RBFOX1: variants seen among roughly 807,000 people sequenced by gnomAD.
The protein encoded by RBFOX1 is RNA binding fox-1 homolog 1.
A neutral mutation model predicts 57.7 loss-of-function variants in RBFOX1; 8 were observed. The ratio of observed to expected loss-of-function variants is 0.14; its 90% CI spans 0.08 to 0.25. The LOEUF is 0.25. Among genes scored for constraint, RBFOX1 ranks in the 10% least tolerant of loss-of-function variants. The probability of loss-of-function intolerance (pLI) is 1.00; values close to 1 mark genes in which losing one functional copy is unlikely to be tolerated. For missense variants in RBFOX1, 611 were observed against 548.5 expected (o/e 1.11, Z -1.14); for synonymous variants, 326 against 222.4 (o/e 1.47, Z -4.15).
At chr16:6,749,295 C>T (rs2074429277) in intron 3 of RBFOX1, among the ~76,000 whole-genome samples, 1 of 152,110 alleles carries the variant, frequency 6.6e-6, no homozygotes, top group African/African-American at 2.4e-5. Context: ...GACATCAACC[C>T]AATTAAATGA....
At chr16:7,232,788 C>G (rs2093574932) in intron 4 of RBFOX1, among the ~76,000 whole-genome samples, 2 of 148,514 alleles carry the variant, frequency 1.3e-5, no homozygotes, top group Non-Finnish European at 1.5e-5. Flanking sequence ...TTGCCGTGAG[C>G]TGAGATCACG....
intron 4 of RBFOX1, among the ~76,000 whole-genome samples, chr16:7,330,530 A>T (rs1195429328): frequency 8.8e-5 from 13 of 147,670 alleles, no homozygotes; most frequent in African/African-American, 3.2e-4. Context: ...GTGTGTAGAG[A>T]GAGAGAGAGA....
At chr16:5,418,301 A>C (rs553221422) in intron 1 of RBFOX1, among the ~76,000 whole-genome samples, 1 of 151,512 alleles carries the variant, frequency 6.6e-6, no homozygotes, top group African/African-American at 2.4e-5. Flanking sequence ...TAGAGTAGGC[A>C]GCCTGAGCCC....
At chr16:6,752,713 C>T (rs534868053) in intron 3 of RBFOX1, among the ~76,000 whole-genome samples, 3 of 152,268 alleles carry the variant, frequency 2.0e-5, no homozygotes, top group Admixed American at 1.3e-4. Context: ...AACAGGTGCA[C>T]CTATCTTGAT....
intron 4 of RBFOX1, among the ~76,000 whole-genome samples, chr16:7,358,138 C>T (rs928643122): frequency 6.6e-6 from 1 of 152,122 alleles, no homozygotes; most frequent in Non-Finnish European, 1.5e-5. Flanking sequence ...ATAACTCACT[C>T]CAGAAAATAA....
At chr16:7,487,289 T>C (rs891241430) in intron 4 of RBFOX1, among the ~76,000 whole-genome samples, 5 of 152,174 alleles carry the variant, frequency 3.3e-5, no homozygotes, top group African/African-American at 9.7e-5. Context: ...TCAACTACTT[T>C]ATCTCAAATA....
intron 5 of RBFOX1, among the ~76,000 whole-genome samples, chr16:7,560,502 G>C (rs141402613): frequency 6.8e-6 from 1 of 146,886 alleles, no homozygotes; most frequent in African/African-American, 2.5e-5. Context: ...CCTGCGGTGG[G>C]AACATATCTT....
At chr16:6,216,425 A>G (rs1270855966) in intron 1 of RBFOX1, among the ~76,000 whole-genome samples, 1 of 152,144 alleles carries the variant, frequency 6.6e-6, no homozygotes, top group South Asian at 2.1e-4. Context: ...TCTAGTTAAT[A>G]GTTTTGCCTT....
chr16:6,269,014 T>G (rs1347997593), intron 1 of RBFOX1, among the ~76,000 whole-genome samples: 1 of 152,196 alleles, frequency 6.6e-6, no homozygotes, highest in Non-Finnish European at 1.5e-5. Flanking sequence ...CTTCAAGCAT[T>G]TATCATTTTA....
chr16:5,610,570 T>C (rs1471323815), intron 3 of RBFOX1: 1 of 152,224 alleles, frequency 6.6e-6, no homozygotes, highest in Non-Finnish European at 1.5e-5. Flanking sequence ...CTTATGCTGT[T>C]AATCCCAGTG....
intron 3 of RBFOX1, chr16:5,616,045 C>T (rs868821312): frequency 6.6e-6 from 1 of 152,600 alleles, no homozygotes; most frequent in Non-Finnish European, 1.5e-5. Context: ...GAGCTCTTCT[C>T]CACTCCCCTC....
intron 3 of RBFOX1, among the ~76,000 whole-genome samples, chr16:6,796,278 C>T (rs1454939968): frequency 1.3e-5 from 2 of 152,132 alleles, no homozygotes; most frequent in Non-Finnish European, 1.5e-5. Flanking sequence ...AGTCAACTCT[C>T]ACTGGGTTCC....
Position 7,010,051 on chromosome 16 carries a change from A to G in RBFOX1, c.-15-42006A>G, listed in dbSNP as rs145268020. ...TCTTAAGAAAAAAAAAATGCACTCA[A>G]GAGGCCCTGGGAGAATTCAAATTTA... On this transcript the variant is annotated intron_variant, in intron 3 of 15. Transcript: ENST00000550418. Among the ~76,000 whole-genome samples the G allele has an allele frequency of 5.0e-3, 763 of 152,328 alleles. 8 individuals carry two copies. Among genetic ancestry groups the G allele is most frequent in the African/African-American group, 0.017 (722 of 41,574 alleles).
Position 5,836,102 on chromosome 16 carries a change from C to T in RBFOX1, c.319-31201C>T, listed in dbSNP as rs557176812. 7.6e-4 allele frequency among the ~76,000 whole-genome samples: 115 copies of T among 152,304 alleles called. 1 individual carries two copies. Among genetic ancestry groups the T allele is most frequent in the African/African-American group, 2.6e-3 (107 of 41,570 alleles). ...AGCTTGCAGCAGATGTTTAATTAGT[C>T]GTGAGGCTGTGCAGTGACTGGAGGC... On this transcript the variant is annotated intron_variant, in intron 3 of 19. Transcript: ENST00000641259.
chr16:6,884,966 C>G (rs745343447), intron 3 of RBFOX1, among the ~76,000 whole-genome samples: 2 of 152,122 alleles, frequency 1.3e-5, no homozygotes, highest in South Asian at 2.1e-4. Context: ...AGACCGCAAC[C>G]CAGATCTATC....
chr16:5,266,761 A>G (rs2062869615), intron 1 of RBFOX1, among the ~76,000 whole-genome samples: 1 of 151,338 alleles, frequency 6.6e-6, no homozygotes, highest in South Asian at 2.1e-4. Flanking sequence ...GTCTCACTAT[A>G]TTGCCCAGGC....
chr16:6,464,879 G>T (rs1004155485), intron 2 of RBFOX1, among the ~76,000 whole-genome samples: 2 of 152,240 alleles, frequency 1.3e-5, no homozygotes, highest in Admixed American at 1.3e-4. Context: ...TACAGCAGTA[G>T]GAGAATGTAG....
At chr16:6,356,856 A>T (rs1212780608) in intron 2 of RBFOX1, among the ~76,000 whole-genome samples, 4 of 152,160 alleles carry the variant, frequency 2.6e-5, no homozygotes, top group African/African-American at 9.7e-5. Flanking sequence ...GAGTGTGGAT[A>T]TGTGGGAACT....
chr16:5,249,219 G>C lies in RBFOX1; in HGVS notation c.219+9114G>C, dbSNP rs1204090353. On this transcript the variant is annotated intron_variant, in intron 1 of 2. Coordinates refer to the RBFOX1 transcript ENST00000585867. ...CTGTTGTAGAAACAGGTACGCAGGG[G>C]CTCTGTGTGGCACCCTGTTCTGGGG... Among the ~76,000 whole-genome samples, 7 of 152,266 alleles carry C rather than the reference G, an allele frequency of 4.6e-5. No homozygotes were observed. The East Asian group carries it at 1.2e-3, about 25-fold the overall frequency.
Sources: gnomAD v4.1 joint callset for allele counts (sites outside exome capture counted in the v4.1 genomes callset) on GRCh38, gnomAD v4.1.1 for gene constraint, MANE v1.5 for transcripts, NCBI Gene and HGNC (gene_info 2026-07-23, HGNC 2026-07-21) for gene names.